The following RPN2 variants were observed in gnomAD, a reference collection of about 807,000 sequenced individuals.
The protein encoded by RPN2 is ribophorin II, also known as dolichyl-diphosphooligosaccharide--protein glycosyltransferase subunit 2.
RPN2 carries 29 observed loss-of-function variants against 71.4 expected under a neutral mutation model. The observed-to-expected ratio is 0.41, with a 90% confidence interval of 0.30 to 0.55. The LOEUF is 0.55. RPN2 is among the 20% of genes least tolerant of loss of function. The pLI is 0.35. For missense variants in RPN2, 726 were observed against 774.1 expected (o/e 0.94, Z 0.74); for synonymous variants, 308 against 305.0 (o/e 1.01, Z -0.10).
chr20:37,236,457 A>C, intron 15 of RPN2, 123 bp from the exon 16 acceptor site: 1 of 1,061,094 alleles, frequency 9.4e-7, no homozygotes, highest in South Asian at 1.3e-5. Flanking sequence ...CAAAGGAATA[A>C]AACAAGCTGG....
At chr20:37,196,811 G>A (rs948896733) in intron 2 of RPN2, among the ~76,000 whole-genome samples, 22 of 152,248 alleles carry the variant, frequency 1.4e-4, no homozygotes, top group African/African-American at 4.8e-4. Context: ...GTAGTAGCGG[G>A]GGCTTGGCGA....
At position 37,232,344 on chromosome 20, in the gene RPN2, A is replaced by G. The variant is rs1246566699; in HGVS notation, c.1630A>G (p.Thr544Ala). ...GAGGCCCCCCACCGTGGTGTCCAAT[A>G]CATTCACTGCCCTGATCCTCTCGCC... ...EKRPPTVVSN[T>A]FTALILSPLL... The change falls in exon 14 of 17, where the codon ACA becomes GCA. Residue 544 changes from threonine to alanine, a missense_variant. By Grantham distance (58) the Thr-to-Ala change is moderately conservative. Transcript: ENST00000237530. The G allele has an allele frequency of 1.9e-6, 3 of 1,614,080 alleles. No individual in the cohort carries two copies. Among genetic ancestry groups the G allele is most frequent in the East Asian group, 4.5e-5 (2 of 44,902 alleles).
chr20:37,198,806 A>G lies in RPN2; in HGVS notation c.304-244A>G, dbSNP rs1487113864. On this transcript the variant is annotated intron_variant, in intron 3 of 16. Transcript: ENST00000237530. ...TGTACCCCCACACGAGGTTTCTGGA[A>G]GTCATTTTGTTGAACATAGGAGAAC... Among the ~76,000 whole-genome samples the G allele has an allele frequency of 2.0e-5, 3 of 152,120 alleles. No individual in the cohort carries two copies. The East Asian group carries it at 5.8e-4, about 29-fold the overall frequency.
At chr20:37,220,484 G>A (rs1488316209) in intron 9 of RPN2, among the ~76,000 whole-genome samples, 1 of 152,068 alleles carries the variant, frequency 6.6e-6, no homozygotes, top group African/African-American at 2.4e-5. Flanking sequence ...ATTTTTGACA[G>A]TAATAAGCTA....
At chr20:37,206,404 C>G (rs1262951326) in intron 6 of RPN2, among the ~76,000 whole-genome samples, 1 of 152,102 alleles carries the variant, frequency 6.6e-6, no homozygotes. Flanking sequence ...CAGGAAAGAA[C>G]AGATTTTCTT....
intron 2 of RPN2, among the ~76,000 whole-genome samples, chr20:37,185,616 TCTTTA>T (rs2066990184): frequency 6.6e-6 from 1 of 152,070 alleles, no homozygotes; most frequent in Non-Finnish European, 1.5e-5. Flanking sequence ...GGCTTATAGT[TCTTTA>T]TTTTATTTTA....
At chr20:37,233,958 G>A (rs1445409565) in intron 14 of RPN2, 62 bp from the exon 15 acceptor site, 3 of 1,564,824 alleles carry the variant, frequency 1.9e-6, no homozygotes, top group Non-Finnish European at 2.6e-6. Flanking sequence ...CATTGGCATG[G>A]CTTGTGTTGC....
chr20:37,234,173 A>T, intron 15 of RPN2, 78 bp downstream of exon 15: 1 of 1,365,118 alleles, frequency 7.3e-7, no homozygotes. Flanking sequence ...TGTTAAGTAG[A>T]CCCACAACCT....
At chr20:37,214,859 G>T (rs1052877386) in intron 9 of RPN2, among the ~76,000 whole-genome samples, 10 of 152,116 alleles carry the variant, frequency 6.6e-5, no homozygotes, top group African/African-American at 2.2e-4. Flanking sequence ...TAAGTGTCTT[G>T]TGGGGTGGTA....
intron 2 of RPN2, among the ~76,000 whole-genome samples, chr20:37,194,968 A>C (rs1430624862): frequency 6.6e-6 from 1 of 152,142 alleles, no homozygotes; most frequent in Non-Finnish European, 1.5e-5. Context: ...AGGCCTCCGT[A>C]TTTGATTAGG....
At chr20:37,233,839 G>T (rs1036703041) in intron 14 of RPN2, among the ~76,000 whole-genome samples, 181 bp from the exon 15 acceptor site, 5 of 152,198 alleles carry the variant, frequency 3.3e-5, no homozygotes, top group Non-Finnish European at 7.3e-5. Flanking sequence ...AAAGAAAAAG[G>T]GAACAAGTTT....
intron 2 of RPN2, among the ~76,000 whole-genome samples, chr20:37,195,255 G>A (rs1289350856): frequency 6.6e-6 from 1 of 152,198 alleles, no homozygotes; most frequent in Admixed American, 6.5e-5. Context: ...TCTGGGAGGT[G>A]TCCCTGCTTC....
At chr20:37,211,236 T>C (rs922355427) in intron 8 of RPN2, among the ~76,000 whole-genome samples, 3 of 151,552 alleles carry the variant, frequency 2.0e-5, no homozygotes, top group Non-Finnish European at 4.4e-5. Flanking sequence ...GGTTTCACCA[T>C]GTTGACCAGG....
intron 4 of RPN2, among the ~76,000 whole-genome samples, chr20:37,202,138 GA>G (rs1405107545): frequency 6.6e-6 from 1 of 152,106 alleles, no homozygotes; most frequent in Admixed American, 6.5e-5. Flanking sequence ...ATTCCAAAGA[GA>G]AAAAAATGAT....
chr20:37,236,447 C>A, intron 15 of RPN2, 133 bp from the exon 16 acceptor site: 1 of 969,528 alleles, frequency 1.0e-6, no homozygotes. Context: ...GGCATCAGAG[C>A]AAAGGAATAA....
At chr20:37,209,246 G>T (rs187769899) in intron 7 of RPN2, among the ~76,000 whole-genome samples, 6 of 152,334 alleles carry the variant, frequency 3.9e-5, no homozygotes, top group African/African-American at 1.4e-4. Flanking sequence ...TTCAACAAAT[G>T]ATAGTTATTA....
At chr20:37,231,300 C>G (rs2068236266) in intron 13 of RPN2, among the ~76,000 whole-genome samples, 1 of 151,874 alleles carries the variant, frequency 6.6e-6, no homozygotes, top group South Asian at 2.1e-4. Flanking sequence ...ACCATTGCTG[C>G]TTCTGCTAGG....
intron 2 of RPN2, among the ~76,000 whole-genome samples, chr20:37,189,593 A>G (rs1243321515): frequency 6.6e-6 from 1 of 152,162 alleles, no homozygotes; most frequent in Non-Finnish European, 1.5e-5. Context: ...AAAGATACAG[A>G]CGTTTCCTCA....
intron 6 of RPN2, among the ~76,000 whole-genome samples, chr20:37,205,509 C>T (rs1277861189): frequency 6.6e-6 from 1 of 152,030 alleles, no homozygotes; most frequent in African/African-American, 2.4e-5. Context: ...GTTACCAGCC[C>T]TTAATCTAAA....
Sources: allele counts gnomAD v4.1 joint callset (sites outside exome capture counted in the v4.1 genomes callset), GRCh38; gene constraint gnomAD v4.1.1; transcripts MANE v1.5; gene names NCBI Gene and HGNC (gene_info 2026-07-23, HGNC 2026-07-21).